The following LRP2 variants were observed in gnomAD, a reference collection of about 807,000 sequenced individuals.
LRP2 encodes the protein low-density lipoprotein receptor-related protein 2.
A neutral mutation model predicts 531.0 loss-of-function variants in LRP2; 172 were observed. That is an observed-to-expected ratio of 0.32 (90% confidence interval 0.29 to 0.37). The LOEUF (loss-of-function observed/expected upper bound fraction) is 0.37, where lower values mean the gene tolerates loss of function less well. Among genes scored for constraint, LRP2 ranks in the 10% least tolerant of loss-of-function variants. The pLI is 1.00. For synonymous variants in LRP2, 1,992 were observed against 2,027.6 expected, an observed-to-expected ratio of 0.98 and a Z score of 0.47; for missense variants, 5,167 against 5,868.3, an observed-to-expected ratio of 0.88 and a Z score of 3.90.
intron 22 of LRP2, 94 bp from the exon 23 acceptor site, chr2:169,243,616 T>A (rs1158622236): frequency 1.4e-6 from 2 of 1,462,598 alleles, no homozygotes; most frequent in African/African-American, 2.8e-5. Context: ...ACAGAAGTTA[T>A]CTCAATTGTA....
chr2:169,173,298 G>C (rs768667400), intron 56 of LRP2, 74 bp from the exon 57 acceptor site: 5 of 1,570,940 alleles, frequency 3.2e-6, no homozygotes, highest in Non-Finnish European at 4.4e-6. Context: ...CATTGAGGTT[G>C]TGGTACTGAG....
intron 1 of LRP2, among the ~76,000 whole-genome samples, chr2:169,359,645 A>T (rs1326190375): frequency 6.6e-6 from 1 of 152,206 alleles, no homozygotes; most frequent in Admixed American, 6.5e-5. Context: ...AAAATGATCA[A>T]GTAGGAAGAC....
rs750888655 is a variant in LRP2 at position 169,307,402 on chromosome 2, G to A, written c.311-5C>T. The A allele has an allele frequency of 8.5e-6, 13 of 1,524,358 alleles. No individual in the cohort carries two copies. Among genetic ancestry groups the A allele is most frequent in the Admixed American group, 1.7e-5 (1 of 59,870 alleles). 94.4% of individuals were successfully genotyped at this position (1,524,358 alleles called of 1,614,324 possible). A position where few individuals can be genotyped will look rare whatever the true frequency, so the allele number is the denominator to read the frequency against. On this transcript the variant is annotated splice_region_variant and splice_polypyrimidine_tract_variant and intron_variant, in intron 3 of 78. Coordinates refer to ENST00000649046, the MANE Select transcript of LRP2 (RefSeq NM_004525.3). ...GACTTGAGCATGTACTTTGTGCTGC[G>A]AAGAGAAAAAATTATTACTTAATTT...
chr2:169,296,559 T>G (rs116582577), intron 4 of LRP2, among the ~76,000 whole-genome samples: 258 of 152,044 alleles, frequency 1.7e-3, no homozygotes, highest in African/African-American at 6.0e-3. Context: ...TCTAGCCTTT[T>G]AAGAGCAGCA....
intron 56 of LRP2, 31 bp downstream of exon 56, chr2:169,173,888 G>C: frequency 6.2e-7 from 1 of 1,613,524 alleles, no homozygotes; most frequent in South Asian, 1.1e-5. Context: ...CCCTGCTCTG[G>C]TCATGCCTTG....
At position 169,279,467 on chromosome 2, in the gene LRP2, G is replaced by T; in HGVS notation, c.1470C>A (p.Arg490=). Residue 490 remains arginine, a synonymous_variant, in exon 12 of 79, where the codon CGC becomes CGA. Transcript: ENST00000649046. ...TTCCATCCAAATTTACCATATCTAT[G>T]CGGTTGACCTTGGTTTCCACTAGAT... ...KIYLVETKVN[R]IDMVNLDGSY... 6.2e-7 allele frequency: 1 copy of T among 1,613,842 alleles called. No homozygotes were observed. The highest frequency in any genetic ancestry group is 8.5e-7 in the Non-Finnish European group (1 of 1,179,876).
rs759630188 is a variant in LRP2 at position 169,128,851 on chromosome 2, G to C, written c.13801-21C>G. ...TCCATCTAAGAATACAATGTAACAGGAATCAGCCATTTATTCCCCCAAGGT... is the reference window on the plus strand; with the variant it reads ...TCCATCTAAGAATACAATGTAACAGCAATCAGCCATTTATTCCCCCAAGGT... On this transcript the variant is annotated intron_variant, in intron 78 of 78. Coordinates refer to ENST00000649046, the MANE Select transcript of LRP2 (RefSeq NM_004525.3). The C allele has an allele frequency of 1.9e-6, 3 of 1,613,746 alleles. No individual in the cohort carries two copies. In the Admixed American group the frequency reaches 5.0e-5, roughly 27 times the overall value.
chr2:169,203,091 T>C, intron 42 of LRP2, 132 bp from the exon 43 acceptor site: 1 of 735,654 alleles, frequency 1.4e-6, no homozygotes, highest in South Asian at 1.5e-5. Flanking sequence ...GTTCTGCCCA[T>C]TAACCTTTTA....
At chr2:169,180,287 C>T (rs559910626) in intron 52 of LRP2, among the ~76,000 whole-genome samples, 3 of 152,294 alleles carry the variant, frequency 2.0e-5, no homozygotes, top group Non-Finnish European at 2.9e-5. Context: ...AGAGAGGATA[C>T]ACACACTGTG....
In LRP2 at chr2:169,172,130, C is replaced by T. The variant is rs1370359730; in HGVS notation, c.11148G>A (p.Glu3716=). 1.2e-6 allele frequency: 2 copies of T among 1,614,156 alleles called. No homozygotes were observed. Among genetic ancestry groups the T allele is most frequent in the South Asian group, 2.2e-5 (2 of 91,088 alleles). The change falls in exon 58 of 79, where the codon GAG becomes GAA. Residue 3716 remains glutamate, a synonymous_variant. Coordinates refer to ENST00000649046, the MANE Select transcript of LRP2 (RefSeq NM_004525.3). ...AATCCCCCACAGGATGGCATGTCCT[C>T]TCCTCTGCAAAGCAGTCATTGCAAA... The part of the protein sequence containing the change: ...RDNSDEQGCE[E]RTCHPVGDFR...
chr2:169,311,217 C>T lies in LRP2; in HGVS notation c.311-3820G>A, dbSNP rs527899485. 3.3e-3 allele frequency among the ~76,000 whole-genome samples: 501 copies of T among 152,208 alleles called. 1 individual carries two copies. The highest frequency in any genetic ancestry group is 4.2e-3 in the Non-Finnish European group (287 of 68,016). On this transcript the variant is annotated intron_variant, in intron 3 of 78. Transcript: ENST00000649046. ...CCATCTCCTTCAGTTCTGCTCTGAT[C>T]TTAGTTATTTCTTGCCTTCTGCTAG...
intron 3 of LRP2, 88 bp from the exon 4 acceptor site, chr2:169,307,485 T>C (rs555158152): frequency 3.6e-6 from 3 of 830,718 alleles, no homozygotes; most frequent in African/African-American, 1.7e-5. Flanking sequence ...TTGGAAAGCA[T>C]AAAGTTCATA....
At chr2:169,316,886 T>G (rs1195440353) in intron 3 of LRP2, among the ~76,000 whole-genome samples, 1 of 151,970 alleles carries the variant, frequency 6.6e-6, no homozygotes, top group African/African-American at 2.4e-5. Flanking sequence ...CCAGGACTGC[T>G]GGGAGTCATG....
At chr2:169,159,405 A>G (rs1369640473) in intron 63 of LRP2, among the ~76,000 whole-genome samples, 2 of 152,160 alleles carry the variant, frequency 1.3e-5, no homozygotes, top group African/African-American at 4.8e-5. Context: ...GGGTTTCAAA[A>G]AGAAAAATAA....
In LRP2 at chr2:169,188,150, C is replaced by A; in HGVS notation, c.9148G>T (p.Val3050Phe). 12 of 1,614,080 alleles carry A rather than the reference C, an allele frequency of 7.4e-6. No individual in the cohort carries two copies. Among genetic ancestry groups the A allele is most frequent in the South Asian group, 1.1e-5 (1 of 91,062 alleles). ...CCACAGTCATTATCCTCATCACAGA[C>A]GAAGGTTTTACTAATGCAGCGCCCG... ...QNGRCISKTF[V>F]CDEDNDCGDG... Residue 3050 changes from valine (V) to phenylalanine (F), a missense_variant, in exon 49 of 79, where the codon GTC becomes TTC. Physicochemically the swap from Val to Phe is conservative, Grantham distance 50 (BLOSUM62 -1). Coordinates refer to ENST00000649046, the MANE Select transcript of LRP2 (RefSeq NM_004525.3).
intron 50 of LRP2, chr2:169,182,670 T>C (rs1687485912): frequency 4.1e-6 from 4 of 984,296 alleles, no homozygotes; most frequent in Non-Finnish European, 2.4e-6. Flanking sequence ...GTGAGTATCA[T>C]GAATTACAGT....
chr2:169,182,735 CA>C (rs1229119885), intron 50 of LRP2: 2 of 475,054 alleles, frequency 4.2e-6, no homozygotes, highest in Admixed American at 1.3e-4. Context: ...TGAAACTGCA[CA>C]GAGAAACTCT....
chr2:169,237,626 C>T (rs1027947562), intron 27 of LRP2, among the ~76,000 whole-genome samples: 8 of 152,016 alleles, frequency 5.3e-5, no homozygotes, highest in South Asian at 4.1e-4. Context: ...TTGCATGCAA[C>T]GAATAATATC....
chr2:169,275,712 C>G (rs1467535972), intron 13 of LRP2, among the ~76,000 whole-genome samples: 1 of 152,094 alleles, frequency 6.6e-6, no homozygotes, highest in Non-Finnish European at 1.5e-5. Flanking sequence ...TGGTAGGGTT[C>G]AAGCCCCAGC....
Sources: allele counts gnomAD v4.1 joint callset (sites outside exome capture counted in the v4.1 genomes callset), GRCh38; gene constraint gnomAD v4.1.1; transcripts MANE v1.5; gene names NCBI Gene and HGNC (gene_info 2026-07-23, HGNC 2026-07-21).